The following NDST4 variants were observed in gnomAD, a reference collection of about 807,000 sequenced individuals.
NDST4 encodes N-deacetylase and N-sulfotransferase 4, also known as N-heparan sulfate sulfotransferase 4.
NDST4 carries 63 observed loss-of-function variants against 100.8 expected under a neutral mutation model. That is an observed-to-expected ratio of 0.62 (90% CI 0.51 to 0.77). The LOEUF (loss-of-function observed/expected upper bound fraction) is 0.77, where lower values mean the gene tolerates loss of function less well. Ranked by LOEUF, NDST4 falls within the 30% of genes least tolerant of loss-of-function variation. The pLI, the probability that NDST4 is intolerant of heterozygous loss-of-function variation, is 0.00. For missense variants in NDST4, 943 were observed against 1,018.4 expected (o/e 0.93, Z 1.01); for synonymous variants, 377 against 361.8 (o/e 1.04, Z -0.48).
chr4:115,045,184 T>G (rs1025193943), intron 2 of NDST4, among the ~76,000 whole-genome samples: 1 of 152,096 alleles, frequency 6.6e-6, no homozygotes, highest in Admixed American at 6.6e-5. Context: ...GAAATAAACC[T>G]TCCATATATA....
At chr4:115,106,809 A>T (rs1729842011) in intron 1 of NDST4, among the ~76,000 whole-genome samples, 1 of 152,048 alleles carries the variant, frequency 6.6e-6, no homozygotes, top group Admixed American at 6.6e-5. Context: ...TCTTACCGCC[A>T]CCAATTTGGG....
At chr4:114,929,074 GTCCATCCA>G (rs1295994273) in intron 6 of NDST4, among the ~76,000 whole-genome samples, 1,521 of 120,146 alleles carry the variant, frequency 0.013, 19 homozygotes, top group Non-Finnish European at 0.015. Context: ...CCGTCCGTCC[GTCCATCCA>G]TCCATCCATC....
intron 6 of NDST4, among the ~76,000 whole-genome samples, chr4:114,922,664 A>T (rs1725312065): frequency 6.6e-6 from 1 of 152,156 alleles, no homozygotes; most frequent in Admixed American, 6.5e-5. Context: ...TGAGGAGACA[A>T]GAATTGAGGT....
intron 7 of NDST4, among the ~76,000 whole-genome samples, chr4:114,855,646 T>A (rs1723777231): frequency 6.6e-6 from 1 of 152,200 alleles, no homozygotes; most frequent in African/African-American, 2.4e-5. Context: ...TCTATTTGCA[T>A]GCCAATACCA....
At chr4:115,041,148 TA>T (rs1434943464) in intron 2 of NDST4, among the ~76,000 whole-genome samples, 1 of 152,046 alleles carries the variant, frequency 6.6e-6, no homozygotes, top group Non-Finnish European at 1.5e-5. Flanking sequence ...TGATAGCTGC[TA>T]AAATCACACA....
intron 4 of NDST4, among the ~76,000 whole-genome samples, chr4:114,952,721 T>C (rs1486109710): frequency 6.6e-6 from 1 of 152,216 alleles, no homozygotes. Context: ...TAAAACAATA[T>C]CCTACTTGTA....
intron 4 of NDST4, among the ~76,000 whole-genome samples, chr4:114,946,451 C>A (rs552729294): frequency 3.9e-5 from 6 of 152,106 alleles, no homozygotes; most frequent in Admixed American, 1.3e-4. Context: ...GTACGGGTTG[C>A]AAAATTAAAT....
At chr4:114,930,019 A>T (rs1725479863) in intron 6 of NDST4, among the ~76,000 whole-genome samples, 1 of 152,182 alleles carries the variant, frequency 6.6e-6, no homozygotes, top group African/African-American at 2.4e-5. Flanking sequence ...TGAAAAGGGT[A>T]TGATGAAGTG....
chr4:114,874,038 T>A (rs1169703683), intron 6 of NDST4, among the ~76,000 whole-genome samples: 1 of 152,092 alleles, frequency 6.6e-6, no homozygotes, highest in East Asian at 1.9e-4. Flanking sequence ...TCACTATTCA[T>A]CTCCAGAACT....
intron 2 of NDST4, among the ~76,000 whole-genome samples, chr4:115,031,008 A>T (rs539212705): frequency 2.0e-5 from 3 of 152,206 alleles, no homozygotes; most frequent in African/African-American, 7.2e-5. Flanking sequence ...CCCCATCTAT[A>T]TTATCTCCTG....
chr4:114,830,930 A>G (rs920484740), intron 12 of NDST4, among the ~76,000 whole-genome samples: 1 of 152,224 alleles, frequency 6.6e-6, no homozygotes, highest in African/African-American at 2.4e-5. Flanking sequence ...TTCTCTGCCC[A>G]ACCTATTATT....
chr4:115,028,381 C>T (rs935817848), intron 2 of NDST4, among the ~76,000 whole-genome samples: 4 of 151,790 alleles, frequency 2.6e-5, no homozygotes, highest in East Asian at 3.9e-4. Context: ...TATGAATGCC[C>T]GGAAAGAAAT....
intron 10 of NDST4, among the ~76,000 whole-genome samples, chr4:114,840,105 G>T (rs1244456820): frequency 6.6e-6 from 1 of 152,162 alleles, no homozygotes; most frequent in Non-Finnish European, 1.5e-5. Flanking sequence ...TACAGAGAAA[G>T]CTGCTGTCTA....
intron 1 of NDST4, among the ~76,000 whole-genome samples, chr4:115,109,539 C>A (rs866306342): frequency 6.6e-6 from 1 of 151,796 alleles, no homozygotes. Context: ...TACAGAAGTC[C>A]CAATTCTATA....
intron 9 of NDST4, 74 bp from the exon 10 acceptor site, chr4:114,846,071 G>T: frequency 8.9e-7 from 1 of 1,118,028 alleles, no homozygotes; most frequent in Non-Finnish European, 1.3e-6. Flanking sequence ...GAAATAATTG[G>T]AACATTTTAA....
chr4:115,074,218 A>G (rs1729134653), intron 2 of NDST4, among the ~76,000 whole-genome samples: 1 of 152,018 alleles, frequency 6.6e-6, no homozygotes, highest in Non-Finnish European at 1.5e-5. Flanking sequence ...GATAGCCATC[A>G]GTGACTTTTG....
intron 8 of NDST4, among the ~76,000 whole-genome samples, chr4:114,850,471 C>T (rs1207169884): frequency 6.6e-6 from 1 of 152,026 alleles, no homozygotes; most frequent in African/African-American, 2.4e-5. Context: ...AAAATCTGGG[C>T]CCATTACCTC....
At chr4:114,881,631 A>G (rs549707499) in intron 6 of NDST4, among the ~76,000 whole-genome samples, 20 of 152,174 alleles carry the variant, frequency 1.3e-4, no homozygotes, top group African/African-American at 2.6e-4. Flanking sequence ...CAGTACACCA[A>G]TGAGAAGCCA....
At chr4:115,105,030 A>G (rs1319807617) in intron 1 of NDST4, among the ~76,000 whole-genome samples, 1 of 152,194 alleles carries the variant, frequency 6.6e-6, no homozygotes, top group Non-Finnish European at 1.5e-5. Context: ...CATGAAGCTG[A>G]AGCAGAGAAG....
Sources: allele counts gnomAD v4.1 joint callset (sites outside exome capture counted in the v4.1 genomes callset), GRCh38; gene constraint gnomAD v4.1.1; transcripts MANE v1.5; gene names NCBI Gene and HGNC (gene_info 2026-07-23, HGNC 2026-07-21).